The following DEFB112 variants were observed in gnomAD, a reference collection of about 807,000 sequenced individuals.
The protein encoded by DEFB112 is defensin beta 112, also known as beta-defensin 112.
In DEFB112, 2 loss-of-function variants were observed where a neutral mutation model predicts 1.1. That is an observed-to-expected ratio of 1.85 (90% CI 0.76 to 5.83). The LOEUF is 5.83. DEFB112 is among the 30% of genes most tolerant of loss of function. The probability of loss-of-function intolerance (pLI) is 0.05; values close to 1 mark genes in which losing one functional copy is unlikely to be tolerated. For missense variants in DEFB112, 120 were observed against 94.4 expected (o/e 1.27, Z -1.12); for synonymous variants, 40 against 31.2 (o/e 1.28, Z -0.93).
chr6:50,043,516 G>T lies in DEFB112; in HGVS notation c.*59C>A. 2 of 1,296,448 alleles carry T rather than the reference G, an allele frequency of 1.5e-6. No homozygotes were observed. The highest frequency in any genetic ancestry group is 2.2e-6 in the Non-Finnish European group (2 of 903,394). 80.3% of individuals were successfully genotyped at this position (1,296,448 alleles called of 1,614,324 possible). On this transcript the variant is annotated 3_prime_UTR_variant, in exon 2 of 2. Coordinates refer to ENST00000651554, the MANE Select transcript of DEFB112 (RefSeq NM_001369057.2). ...ATGGAAATTATAGGTCATTAATGAA[G>T]TGATGAAATAATGAGAGGACTTCAT...
At chr6:50,048,573 C>A (rs1774875145) in intron 1 of DEFB112, 1 of 1,613,350 alleles carries the variant, frequency 6.2e-7, no homozygotes. Flanking sequence ...CGGGCCTTTT[C>A]AAATATTGTG....
chr6:50,049,482 G>A (rs1671348851), intron 1 of DEFB112, among the ~76,000 whole-genome samples: 1 of 151,986 alleles, frequency 6.6e-6, no homozygotes, highest in Admixed American at 6.6e-5. Flanking sequence ...TCTATTAATA[G>A]ATCAAATTCA....
intron 1 of DEFB112, among the ~76,000 whole-genome samples, chr6:50,044,253 C>T (rs1774798050): frequency 6.6e-6 from 1 of 151,900 alleles, no homozygotes; most frequent in East Asian, 1.9e-4. Flanking sequence ...TTTTATTTTC[C>T]TTAAATATCT....
Position 50,042,106 on chromosome 6 carries a change from A to G in DEFB112, c.*1469T>C, listed in dbSNP as rs1774753494. ...AATGAATGCACACATTAATACAATTATAGCAGCTTTATTCATAATTTTCAT... is the reference window on the plus strand; with the variant it reads ...AATGAATGCACACATTAATACAATTGTAGCAGCTTTATTCATAATTTTCAT... On this transcript the variant is annotated 3_prime_UTR_variant, in exon 2 of 2. Coordinates refer to ENST00000651554, the MANE Select transcript of DEFB112 (RefSeq NM_001369057.2). 6.6e-6 allele frequency among the ~76,000 whole-genome samples: 1 copy of G among 152,028 alleles called. No homozygotes were observed. The highest frequency in any genetic ancestry group is 1.5e-5 in the Non-Finnish European group (1 of 67,944).
intron 1 of DEFB112, among the ~76,000 whole-genome samples, chr6:50,044,838 T>C (rs1049180158): frequency 1.3e-5 from 2 of 152,200 alleles, no homozygotes; most frequent in Non-Finnish European, 2.9e-5. Flanking sequence ...TGTCTGTAAG[T>C]ATGCTTTCAT....
At chr6:50,044,080 T>C (rs1452299873) in intron 1 of DEFB112, among the ~76,000 whole-genome samples, 3 of 152,112 alleles carry the variant, frequency 2.0e-5, no homozygotes, top group Non-Finnish European at 4.4e-5. Flanking sequence ...TCTGTCTGTC[T>C]TGTACATTGA....
chr6:50,049,925 T>G lies in DEFB112; in HGVS notation c.-56A>C, dbSNP rs1774897903. 6.6e-6 allele frequency among the ~76,000 whole-genome samples: 1 copy of G among 152,110 alleles called. No individual in the cohort carries two copies. Among genetic ancestry groups the G allele is most frequent in the South Asian group, 2.1e-4 (1 of 4,822 alleles). ...ACAGATCATCTGTCTGACTCAGCTG[T>G]TGTTGAAACAAGAAAAAAAAACCCT... On this transcript the variant is annotated 5_prime_UTR_variant, in exon 1 of 2. Coordinates refer to ENST00000651554, the MANE Select transcript of DEFB112 (RefSeq NM_001369057.2).
At chr6:50,048,304 A>C (rs640514) in intron 1 of DEFB112, among the ~76,000 whole-genome samples, 1 of 152,090 alleles carries the variant, frequency 6.6e-6, no homozygotes, top group Admixed American at 6.5e-5. Flanking sequence ...TGATAAAAGG[A>C]CATTTGTCTA....
chr6:50,047,871 C>T (rs974172276), intron 1 of DEFB112, among the ~76,000 whole-genome samples: 3 of 152,096 alleles, frequency 2.0e-5, no homozygotes, highest in African/African-American at 4.8e-5. Context: ...CTTGGCCAGG[C>T]GTGGTGGCTC....
chr6:50,046,411 G>A (rs1774835231), intron 1 of DEFB112, among the ~76,000 whole-genome samples: 1 of 151,976 alleles, frequency 6.6e-6, no homozygotes, highest in African/African-American at 2.4e-5. Context: ...TGATCATATA[G>A]GTTATTTGCT....
chr6:50,044,878 C>T (rs1774807455), intron 1 of DEFB112, among the ~76,000 whole-genome samples: 1 of 151,880 alleles, frequency 6.6e-6, no homozygotes, highest in Admixed American at 6.6e-5. Flanking sequence ...TGTAATTAAC[C>T]ATTTTCGTGT....
intron 1 of DEFB112, among the ~76,000 whole-genome samples, chr6:50,046,627 G>C (rs1774840626): frequency 6.6e-6 from 1 of 151,876 alleles, no homozygotes; most frequent in Non-Finnish European, 1.5e-5. Flanking sequence ...AGTGGCTTAG[G>C]TCTTTTTTTC....
In DEFB112 at chr6:50,045,442, T is replaced by C. The variant is rs914554354; in HGVS notation, c.59-1641A>G. On this transcript the variant is annotated intron_variant, in intron 1 of 1. Coordinates refer to ENST00000651554, the MANE Select transcript of DEFB112 (RefSeq NM_001369057.2). ...GAATTAAACACTAACTTTCTTACTT[T>C]GCTTTATATTAATATTTGTATACCT... Among the ~76,000 whole-genome samples, 17 of 152,244 alleles carry C rather than the reference T, an allele frequency of 1.1e-4. No homozygotes were observed. In the East Asian group the frequency reaches 3.1e-3, roughly 28 times the overall value.
At chr6:50,049,245 C>A (rs895031661) in intron 1 of DEFB112, among the ~76,000 whole-genome samples, 5 of 151,976 alleles carry the variant, frequency 3.3e-5, no homozygotes, top group African/African-American at 1.2e-4. Flanking sequence ...CTCCTCTGAT[C>A]TCAATACTGA....
intron 1 of DEFB112, among the ~76,000 whole-genome samples, chr6:50,046,476 G>T (rs1229697): frequency 1 from 152,129 of 152,266 alleles, 75,997 homozygotes; most frequent in Middle Eastern, 1. Context: ...GAAGCATATT[G>T]AATAATCTTC....
rs1379637064 is a variant in DEFB112 at position 50,042,349 on chromosome 6, G to T, written c.*1226C>A. Among the ~76,000 whole-genome samples, 1 of 151,964 alleles carries T rather than the reference G, an allele frequency of 6.6e-6. No individual in the cohort carries two copies. The highest frequency in any genetic ancestry group is 2.4e-5 in the African/African-American group (1 of 41,414). ...TTTTCCCTATGTGCCCAGGTACTGT[G>T]TACAGGATATGTTTTGGTTATAAGA... is the stretch of plus-strand genomic sequence containing the variant. On this transcript the variant is annotated 3_prime_UTR_variant, in exon 2 of 2. Coordinates refer to ENST00000651554, the MANE Select transcript of DEFB112 (RefSeq NM_001369057.2).
rs749127401 is a variant in DEFB112 at position 50,043,562 on chromosome 6, T to C, written c.*13A>G. 1.9e-6 allele frequency: 3 copies of C among 1,600,622 alleles called. No individual in the cohort carries two copies. The highest frequency in any genetic ancestry group is 1.1e-5 in the South Asian group (1 of 90,536). The stretch of plus-strand genomic sequence containing the variant: ...TTCATTCAGATGTATCATCTTCTTG[T>C]GCATGGATTTCTTCAATGACGTGAG... On this transcript the variant is annotated 3_prime_UTR_variant, in exon 2 of 2. Transcript: ENST00000651554.
intron 1 of DEFB112, among the ~76,000 whole-genome samples, chr6:50,048,970 T>C (rs886391534): frequency 6.6e-6 from 1 of 152,130 alleles, no homozygotes; most frequent in Non-Finnish European, 1.5e-5. Context: ...TCAGTGTTTA[T>C]TGAAATCTGT....
Position 50,042,865 on chromosome 6 carries a change from A to G in DEFB112, c.*710T>C, listed in dbSNP as rs1221624602. Reference sequence around the variant, plus strand: ...AAAACTTAAAATTTACTAAGACACCAATAAGTAGCATGATAAGAATCATCT... The same window carrying G: ...AAAACTTAAAATTTACTAAGACACCGATAAGTAGCATGATAAGAATCATCT... On this transcript the variant is annotated 3_prime_UTR_variant, in exon 2 of 2. Coordinates refer to ENST00000651554, the MANE Select transcript of DEFB112 (RefSeq NM_001369057.2). Among the ~76,000 whole-genome samples, 1 of 152,018 alleles carries G rather than the reference A, an allele frequency of 6.6e-6. No individual in the cohort carries two copies. Among genetic ancestry groups the G allele is most frequent in the Non-Finnish European group, 1.5e-5 (1 of 67,932 alleles).
Sources: allele counts gnomAD v4.1 joint callset (sites outside exome capture counted in the v4.1 genomes callset), GRCh38; gene constraint gnomAD v4.1.1; transcripts MANE v1.5; gene names NCBI Gene and HGNC (gene_info 2026-07-23, HGNC 2026-07-21).